The following C8B variants were observed in gnomAD, a reference collection of about 807,000 sequenced individuals.
C8B encodes the protein complement component C8 beta chain.
A neutral mutation model predicts 64.6 loss-of-function variants in C8B; 67 were observed. That is an observed-to-expected ratio of 1.04 (90% CI 0.85 to 1.27). The LOEUF (loss-of-function observed/expected upper bound fraction) is 1.27, where lower values mean the gene tolerates loss of function less well. C8B is among the 50% of genes most tolerant of loss of function. The pLI is 0.00. For synonymous variants in C8B, 284 were observed against 257.7 expected (o/e 1.10, Z -0.98); for missense variants, 790 against 725.2 (o/e 1.09, Z -1.03).
rs953435519 is a variant in C8B at position 56,931,703 on chromosome 1, T to C, written c.1621+107A>G. 5 of 730,544 alleles carry C rather than the reference T, an allele frequency of 6.8e-6. No homozygotes were observed. In the African/African-American group the frequency reaches 6.9e-5, roughly 10 times the overall value. The allele number at this position is 730,544 out of a possible 1,614,324, so 45.3% of individuals were successfully genotyped here. On this transcript the variant is annotated intron_variant, in intron 11 of 11. Transcript: ENST00000371237. Reference sequence around the variant, plus strand: ...CCAAGCTGAGTTTAAGCAGGATGGATCTCAGGTTTCCTAGTATCCAGCCCC... The same window carrying C: ...CCAAGCTGAGTTTAAGCAGGATGGACCTCAGGTTTCCTAGTATCCAGCCCC...
chr1:56,961,435 G>A (rs969532483), intron 1 of C8B, among the ~76,000 whole-genome samples: 5 of 152,134 alleles, frequency 3.3e-5, no homozygotes, highest in Non-Finnish European at 5.9e-5. Context: ...TGAGGGAAGC[G>A]GCCCAGAGAG....
rs1262606412 is a variant in C8B at position 56,956,751 on chromosome 1, T to C, written c.391+18A>G. 2 of 1,613,498 alleles carry C rather than the reference T, an allele frequency of 1.2e-6. No homozygotes were observed. Among genetic ancestry groups the C allele is most frequent in the Non-Finnish European group, 1.7e-6 (2 of 1,179,794 alleles). ...CTCATTTCAGGCTTTCCCCTCTTAC[T>C]CCTACATTGATTTATACCTGTCTGT... On this transcript the variant is annotated intron_variant, in intron 3 of 11. Transcript: ENST00000371237.
At chr1:56,960,351 T>A (rs969863964) in intron 1 of C8B, among the ~76,000 whole-genome samples, 175 bp from the exon 2 acceptor site, 6 of 152,216 alleles carry the variant, frequency 3.9e-5, no homozygotes, top group African/African-American at 1.4e-4. Context: ...AAATATTTAA[T>A]CCAACAATGA....
At chr1:56,965,398 A>AGAGAGAGAGTGTGTGTGTGT (rs1553120321) in intron 1 of C8B, among the ~76,000 whole-genome samples, 1 of 142,578 alleles carries the variant, frequency 7.0e-6, no homozygotes, top group Non-Finnish European at 1.5e-5. Flanking sequence ...AGAGAGAGAG[A>AGAGAGAGAGTGTGTGTGTGT]GTGTGTGTGT....
rs942930014 is a variant in C8B, at chr1:56,940,957, C to G, written c.1290G>C (p.Gly430=). The G allele has an allele frequency of 1.9e-6, 3 of 1,613,758 alleles. No homozygotes were observed. The African/African-American group carries it at 4.0e-5, about 22-fold the overall frequency. The change falls in exon 9 of 12, where the codon GGG becomes GGC. Residue 430 remains glycine (G), a synonymous_variant. Transcript: ENST00000371237. ...CCAGGGTGGTGATGTGCTCACTTGC[C>G]CCTCCTCGTACCAGGACCACCAAGT... The part of the protein sequence containing the change: ...VEDLVVLVRG[G]ASEHITTLAY...
intron 2 of C8B, 60 bp from the exon 3 acceptor site, chr1:56,956,970 G>A (rs1420824051): frequency 1.9e-6 from 3 of 1,584,904 alleles, no homozygotes; most frequent in African/African-American, 2.7e-5. Context: ...GGAGCTGAGG[G>A]ATACTCTGTG....
intron 1 of C8B, among the ~76,000 whole-genome samples, chr1:56,961,663 C>G (rs190068446): frequency 6.6e-6 from 1 of 152,144 alleles, no homozygotes; most frequent in African/African-American, 2.4e-5. Context: ...AAGAGCATCA[C>G]GTAGTTTTCA....
At chr1:56,931,726 C>G (rs964374245) in intron 11 of C8B, 84 bp downstream of exon 11, 3 of 898,924 alleles carry the variant, frequency 3.3e-6, no homozygotes, top group Non-Finnish European at 5.4e-6. Flanking sequence ...AGTATCCAGC[C>G]CCACACTCCA....
intron 1 of C8B, among the ~76,000 whole-genome samples, chr1:56,964,874 A>T (rs1645230035): frequency 6.6e-6 from 1 of 152,314 alleles, no homozygotes; most frequent in Admixed American, 6.5e-5. Context: ...GTGTACACAC[A>T]GTACACACAA....
In C8B at chr1:56,963,783, G is replaced by A. The variant is rs1036367136; in HGVS notation, c.92+2074C>T. 5 of 776,038 alleles carry A rather than the reference G, an allele frequency of 6.4e-6. No homozygotes were observed. In the Admixed American group the frequency reaches 1.9e-4, roughly 29 times the overall value. 48.1% of individuals were successfully genotyped at this position (776,038 alleles called of 1,614,324 possible). On this transcript the variant is annotated intron_variant, in intron 1 of 11. Transcript: ENST00000371237. ...ACAGTAGCACTTACCTGGAATAGCT[G>A]TGAGGATTATAGCTAATGTTTCCAA...
chr1:56,962,092 A>AC, intron 1 of C8B, among the ~76,000 whole-genome samples: 1 of 152,350 alleles, frequency 6.6e-6, no homozygotes, highest in South Asian at 2.1e-4. Context: ...CTCCAGGGCC[A>AC]TAGGTGAGAC....
rs151032934 is a variant in C8B, at chr1:56,956,863, C to A, written c.297G>T (p.Pro99=). ...LLQPSQFHGE[P]CNFSDKEVED... ...CGACTTCCTTGTCAGAGAAGTTGCACGGTTCCCCATGGAACTGAGAGGGCT... is the reference window on the plus strand; with the variant it reads ...CGACTTCCTTGTCAGAGAAGTTGCAAGGTTCCCCATGGAACTGAGAGGGCT... The change falls in exon 3 of 12, where the codon CCG becomes CCT. Residue 99 remains proline, a synonymous_variant. Coordinates refer to ENST00000371237, the MANE Select transcript of C8B (RefSeq NM_000066.4). 1.9e-6 allele frequency: 3 copies of A among 1,614,100 alleles called. No homozygotes were observed. The highest frequency in any genetic ancestry group is 2.7e-5 in the African/African-American group (2 of 75,046).
At chr1:56,963,103 C>G (rs1298585493) in intron 1 of C8B, among the ~76,000 whole-genome samples, 1 of 152,182 alleles carries the variant, frequency 6.6e-6, no homozygotes, top group African/African-American at 2.4e-5. Flanking sequence ...TGTGCCCCCT[C>G]TACTTAAGGA....
At position 56,965,731 on chromosome 1, in the gene C8B, C is replaced by T. The variant is rs1645246134; in HGVS notation, c.92+126G>A. The T allele has an allele frequency of 9.7e-6, 9 of 928,870 alleles. No individual in the cohort carries two copies. The South Asian group carries it at 1.1e-4, about 11-fold the overall frequency. The allele number at this position is 928,870 out of a possible 1,614,324, so 57.5% of individuals were successfully genotyped here. A position where few individuals can be genotyped will look rare whatever the true frequency, so the allele number is the denominator to read the frequency against. On this transcript the variant is annotated intron_variant, in intron 1 of 11. Coordinates refer to ENST00000371237, the MANE Select transcript of C8B (RefSeq NM_000066.4). ...GTTGTTGATAGTATGTTATCAGATG[C>T]ATGCAAATTGCCTTAAGAGACGTTC...
chr1:56,952,877 T>A (rs928629202), intron 4 of C8B, among the ~76,000 whole-genome samples: 6 of 152,228 alleles, frequency 3.9e-5, no homozygotes, highest in African/African-American at 1.4e-4. Context: ...CTTAAAACAC[T>A]ACTTGGTCCG....
chr1:56,950,097 C>T (rs936876352), intron 5 of C8B, among the ~76,000 whole-genome samples: 13 of 152,090 alleles, frequency 8.5e-5, no homozygotes, highest in African/African-American at 2.9e-4. Context: ...GATAGCAGTG[C>T]AGTTCATTGA....
rs748659615 is a variant in C8B, at chr1:56,954,728, T to C, written c.491A>G (p.His164Arg). 3.1e-6 allele frequency: 5 copies of C among 1,614,184 alleles called. No individual in the cohort carries two copies. Among genetic ancestry groups the C allele is most frequent in the Non-Finnish European group, 4.2e-6 (5 of 1,180,000 alleles). ...NCRRIYKKCQ[H>R]EMDQYWGIGS... ...AATTCCCCAGTATTGGTCCATTTCA[T>C]GCTGACATTTTTTATAAATCCTTCT... Residue 164 changes from histidine (H) to arginine (R), a missense_variant, in exon 4 of 12, where the codon CAT becomes CGT. By Grantham distance (29) the His-to-Arg change is conservative. Coordinates refer to ENST00000371237, the MANE Select transcript of C8B (RefSeq NM_000066.4).
chr1:56,940,775 AC>A (rs1415270191), intron 9 of C8B, 73 bp downstream of exon 9: 12 of 1,557,592 alleles, frequency 7.7e-6, no homozygotes, highest in Non-Finnish European at 1.1e-5. Flanking sequence ...TGCATTTTAT[AC>A]CTTGGCTCAT....
At chr1:56,943,504 A>C (rs1212100561) in intron 8 of C8B, among the ~76,000 whole-genome samples, 192 bp downstream of exon 8, 1 of 152,262 alleles carries the variant, frequency 6.6e-6, no homozygotes, top group Non-Finnish European at 1.5e-5. Flanking sequence ...TATAAAGTTC[A>C]AAAATAAGCA....
Sources: gnomAD v4.1 joint callset for allele counts (sites outside exome capture counted in the v4.1 genomes callset) on GRCh38, gnomAD v4.1.1 for gene constraint, MANE v1.5 for transcripts, NCBI Gene and HGNC (gene_info 2026-07-23, HGNC 2026-07-21) for gene names.